ENPP1: variants seen among roughly 807,000 people sequenced by gnomAD.
The protein encoded by ENPP1 is ectonucleotide pyrophosphatase/phosphodiesterase 1.
Under a neutral mutation model 122.8 loss-of-function variants are expected in ENPP1, and 73 were observed. The observed-to-expected ratio is 0.59, with a 90% CI of 0.49 to 0.72. The LOEUF (loss-of-function observed/expected upper bound fraction) is 0.72. ENPP1 is among the 30% of genes least tolerant of loss of function. The probability of loss-of-function intolerance (pLI) is 0.00; values close to 1 mark genes in which losing one functional copy is unlikely to be tolerated. For synonymous variants in ENPP1, 367 were observed against 391.6 expected (o/e 0.94, Z 0.74); for missense variants, 978 against 1,128.1 (o/e 0.87, Z 1.91).
chr6:131,880,389 C>T (rs952778749), intron 20 of ENPP1, among the ~76,000 whole-genome samples: 1 of 151,930 alleles, frequency 6.6e-6, no homozygotes, highest in African/African-American at 2.4e-5. Context: ...CGGTGAAACT[C>T]CATCTCTACT....
At chr6:131,861,512 G>A (rs981091662) in intron 8 of ENPP1, 83 bp from the exon 9 acceptor site, 28 of 851,628 alleles carry the variant, frequency 3.3e-5, no homozygotes, top group Non-Finnish European at 5.1e-5. Flanking sequence ...AGAGAGGAAT[G>A]CATTGGTGTG....
In ENPP1 at chr6:131,873,069, C is replaced by T. The variant is rs1481254069; in HGVS notation, c.1565+19C>T. ...TTGCATTGTAAGTTCTGACAGTCTC[C>T]CAGGTAAACTTAGTCTGATCGGTTA... On this transcript the variant is annotated intron_variant, in intron 15 of 24. Transcript: ENST00000647893. The T allele has an allele frequency of 6.2e-7, 1 of 1,613,280 alleles. No homozygotes were observed. The highest frequency in any genetic ancestry group is 1.1e-5 in the South Asian group (1 of 91,048).
At chr6:131,876,315 C>T (rs929703884) in intron 17 of ENPP1, among the ~76,000 whole-genome samples, 1 of 147,338 alleles carries the variant, frequency 6.8e-6, no homozygotes, top group Non-Finnish European at 1.5e-5. Flanking sequence ...TCTTGGTTTA[C>T]TTTGTACCTT....
chr6:131,841,960 A>G (rs1383070429), intron 1 of ENPP1, among the ~76,000 whole-genome samples: 5 of 152,068 alleles, frequency 3.3e-5, no homozygotes. Flanking sequence ...CAGCGCCTGA[A>G]CACACTCCAC....
Position 131,875,765 on chromosome 6 carries a change from T to C in ENPP1, c.1636-11T>C. The stretch of plus-strand genomic sequence containing the variant: ...AAATGCACTGATAAACTTCCTTTTC[T>C]GGCCATCTAGGCCCTCTTTGTTGGC... On this transcript the variant is annotated splice_polypyrimidine_tract_variant and intron_variant, in intron 16 of 24. Coordinates refer to ENST00000647893, the MANE Select transcript of ENPP1 (RefSeq NM_006208.3). 6.2e-7 allele frequency: 1 copy of C among 1,611,912 alleles called. No individual in the cohort carries two copies. The highest frequency in any genetic ancestry group is 8.5e-7 in the Non-Finnish European group (1 of 1,177,936).
intron 20 of ENPP1, among the ~76,000 whole-genome samples, chr6:131,882,047 A>T (rs1477015803): frequency 1.3e-5 from 2 of 150,096 alleles, no homozygotes; most frequent in Non-Finnish European, 1.5e-5. Context: ...ATAAATAAAT[A>T]AATAAATAAA....
Position 131,861,636 on chromosome 6 carries a change from A to G in ENPP1, c.957A>G (p.Thr319=). The G allele has an allele frequency of 6.2e-7, 1 of 1,613,866 alleles. No homozygotes were observed. The highest frequency in any genetic ancestry group is 1.1e-5 in the South Asian group (1 of 91,080). Residue 319 remains threonine (T), a synonymous_variant, in exon 9 of 25, where the codon ACA becomes ACG. Transcript: ENST00000647893. The part of the protein sequence containing the change: ...TAKYQGLKSG[T]FFWPGSDVEI... ...AGTATCAAGGCCTCAAGTCTGGCAC[A>G]TTTTTCTGGCCAGGATCAGATGTGG...
chr6:131,887,106 C>T (rs897755333), intron 24 of ENPP1, among the ~76,000 whole-genome samples: 2 of 151,718 alleles, frequency 1.3e-5, no homozygotes, highest in Admixed American at 1.3e-4. Context: ...CAGAATCAAA[C>T]TTTGTATGGC....
At chr6:131,874,423 A>T in intron 16 of ENPP1, 86 bp downstream of exon 16, 3 of 764,470 alleles carry the variant, frequency 3.9e-6, no homozygotes, top group Non-Finnish European at 6.8e-6. Flanking sequence ...TACTGTGATT[A>T]TATGTCTTGA....
At chr6:131,811,640 C>A (rs1332750236) in intron 1 of ENPP1, among the ~76,000 whole-genome samples, 1 of 152,116 alleles carries the variant, frequency 6.6e-6, no homozygotes, top group African/African-American at 2.4e-5. Flanking sequence ...CTTTGTATCA[C>A]ACATTCCAGG....
chr6:131,851,258 G>A lies in ENPP1; in HGVS notation c.547G>A (p.Val183Met). Reference sequence around the variant, plus strand: ...CGACTGCTGCATCAACTACAGTTCTGTGTGTCAAGGTCAGGTGCTCGTTGG... The same window carrying A: ...CGACTGCTGCATCAACTACAGTTCTATGTGTCAAGGTCAGGTGCTCGTTGG... ...KGDCCINYSSVCQGEKSWVEE... is the reference protein window; with the variant it reads ...KGDCCINYSSMCQGEKSWVEE... The change falls in exon 4 of 25, where the codon GTG (valine) becomes ATG (methionine). Residue 183 changes from valine (V) to methionine (M), a missense_variant. This residue lies in a region of ENPP1 where 330 missense variants were observed against 328.5 expected (regional missense o/e 1.00). Transcript: ENST00000647893. 6.2e-7 allele frequency: 1 copy of A among 1,614,154 alleles called. No individual in the cohort carries two copies. Among genetic ancestry groups the A allele is most frequent in the Non-Finnish European group, 8.5e-7 (1 of 1,179,986 alleles).
At position 131,891,351 on chromosome 6, in the gene ENPP1, A is replaced by AT. The variant is rs1481832055; in HGVS notation, c.*846dup. The AT allele has an allele frequency of 1.4e-5, 2 of 148,124 alleles. No homozygotes were observed. Among genetic ancestry groups the AT allele is most frequent in the Non-Finnish European group, 1.5e-5 (1 of 65,764 alleles). The allele number at this position is 148,124 out of a possible 1,614,324, so 9.2% of individuals were successfully genotyped here. On this transcript the variant is annotated 3_prime_UTR_variant, in exon 25 of 25. Coordinates refer to ENST00000647893, the MANE Select transcript of ENPP1 (RefSeq NM_006208.3). Reference sequence around the variant, plus strand: ...CACCAGTCAGTGCATGCAAGGTGCCATTTTTTATTGAGATGCTTAGAATGT... The same window carrying AT: ...CACCAGTCAGTGCATGCAAGGTGCCATTTTTTTATTGAGATGCTTAGAATGT...
rs1782527250 is a variant in ENPP1 at position 131,894,972 on chromosome 6, A to G, written c.*4461A>G. 6.6e-6 allele frequency: 1 copy of G among 152,264 alleles called. No individual in the cohort carries two copies. Among genetic ancestry groups the G allele is most frequent in the Non-Finnish European group, 1.5e-5 (1 of 68,054 alleles). 9.4% of individuals were successfully genotyped at this position (152,264 alleles called of 1,614,324 possible). On this transcript the variant is annotated 3_prime_UTR_variant, in exon 25 of 25. Transcript: ENST00000647893. Reference sequence around the variant, plus strand: ...AATGTGGTGATTACACTTCATGCTGAAGCTTTTCACATGAGTGCTTTCATA... The same window carrying G: ...AATGTGGTGATTACACTTCATGCTGGAGCTTTTCACATGAGTGCTTTCATA...
intron 1 of ENPP1, chr6:131,827,235 A>T: frequency 9.9e-7 from 1 of 1,011,546 alleles, no homozygotes; most frequent in Non-Finnish European, 1.6e-6. Context: ...GATCTGTTTC[A>T]GTTTGTTCTC....
chr6:131,882,218 A>G (rs1388755736), intron 20 of ENPP1, 127 bp from the exon 21 acceptor site: 4 of 722,798 alleles, frequency 5.5e-6, no homozygotes, highest in Non-Finnish European at 9.5e-6. Context: ...GTAGGAAAAT[A>G]GGGAAGGACA....
intron 19 of ENPP1, among the ~76,000 whole-genome samples, chr6:131,879,465 TTTTA>T (rs1366825562): frequency 6.6e-6 from 1 of 152,198 alleles, no homozygotes; most frequent in African/African-American, 2.4e-5. Context: ...ATTGTTATTG[TTTTA>T]TTTAGTTTAG....
At chr6:131,810,438 C>T (rs1781333553) in intron 1 of ENPP1, among the ~76,000 whole-genome samples, 2 of 130,320 alleles carry the variant, frequency 1.5e-5, no homozygotes. Flanking sequence ...TACCTTTTTC[C>T]CCCAACCCCG....
At chr6:131,848,911 T>C (rs1332419489) in intron 2 of ENPP1, among the ~76,000 whole-genome samples, 2 of 152,214 alleles carry the variant, frequency 1.3e-5, no homozygotes, top group Non-Finnish European at 2.9e-5. Context: ...AATTGCCTGA[T>C]TTCCCAGTGT....
At chr6:131,858,609 A>T (rs1172787361) in intron 6 of ENPP1, 59 bp from the exon 7 acceptor site, 1 of 1,129,786 alleles carries the variant, frequency 8.9e-7, no homozygotes, top group Non-Finnish European at 1.3e-6. Flanking sequence ...CCACTGCTAA[A>T]TGAGGTAAGC....
Sources: allele counts gnomAD v4.1 joint callset (sites outside exome capture counted in the v4.1 genomes callset), GRCh38; gene constraint gnomAD v4.1.1; regional missense constraint gnomAD v4.1.1; transcripts MANE v1.5; gene names NCBI Gene and HGNC (gene_info 2026-07-23, HGNC 2026-07-21).